CENPF: variants seen among roughly 807,000 people sequenced by gnomAD.
CENPF encodes the protein centromere protein F, also known as AH antigen.
Under a neutral mutation model 307.3 loss-of-function variants are expected in CENPF, and 214 were observed. That is an observed-to-expected ratio of 0.70 (90% CI 0.62 to 0.78). CENPF has a LOEUF of 0.78. Ranked by LOEUF, CENPF falls within the 30% of genes least tolerant of loss-of-function variation. The probability of loss-of-function intolerance (pLI) is 0.00; values close to 1 mark genes in which losing one functional copy is unlikely to be tolerated. For missense variants in CENPF, 3,401 were observed against 3,483.9 expected (o/e 0.98, Z 0.60); for synonymous variants, 1,259 against 1,270.6 (o/e 0.99, Z 0.19).
chr1:214,637,237 G>A (rs1195120784), intron 10 of CENPF, among the ~76,000 whole-genome samples: 9 of 152,190 alleles, frequency 5.9e-5, no homozygotes, highest in African/African-American at 2.2e-4. Context: ...ATCCTATTGT[G>A]TATTAAATGA....
At chr1:214,619,987 A>G (rs1657461437) in intron 5 of CENPF, among the ~76,000 whole-genome samples, 1 of 152,132 alleles carries the variant, frequency 6.6e-6, no homozygotes, top group Non-Finnish European at 1.5e-5. Flanking sequence ...ATTGATTCCT[A>G]GAGATGTTTT....
chr1:214,650,981 A>G (rs746325487), intron 14 of CENPF, among the ~76,000 whole-genome samples: 2 of 152,224 alleles, frequency 1.3e-5, no homozygotes, highest in Non-Finnish European at 2.9e-5. Flanking sequence ...CAGCAGCCCC[A>G]GATACTACTT....
intron 16 of CENPF, 91 bp from the exon 17 acceptor site, chr1:214,655,150 C>T (rs1658595529): frequency 1.3e-5 from 10 of 751,964 alleles, no homozygotes; most frequent in East Asian, 3.1e-5. Flanking sequence ...CTTAAATTTA[C>T]AATATATGAA....
intron 10 of CENPF, among the ~76,000 whole-genome samples, chr1:214,634,891 T>C (rs1163096600): frequency 6.6e-6 from 1 of 152,232 alleles, no homozygotes; most frequent in African/African-American, 2.4e-5. Context: ...ACTGAAATTT[T>C]CCTTGTCTGT....
chr1:214,655,499 T>C, intron 17 of CENPF, 96 bp downstream of exon 17: 11 of 1,069,282 alleles, frequency 1.0e-5, no homozygotes, highest in Non-Finnish European at 1.4e-5. Context: ...TTTAGTGCTG[T>C]GTTCTATTAC....
chr1:214,630,028 T>G (rs1657761622), intron 8 of CENPF, among the ~76,000 whole-genome samples: 1 of 152,202 alleles, frequency 6.6e-6, no homozygotes, highest in Admixed American at 6.5e-5. Context: ...TAAGAGTCTA[T>G]AGATTTTAAA....
At chr1:214,627,163 G>T (rs1429952623) in intron 7 of CENPF, among the ~76,000 whole-genome samples, 3 of 151,942 alleles carry the variant, frequency 2.0e-5, no homozygotes, top group African/African-American at 7.3e-5. Context: ...CCACTTCTGG[G>T]CTCCTTCCAC....
In CENPF at chr1:214,628,569, C is replaced by G. The variant is rs143298087; in HGVS notation, c.1069-477C>G. 1.4e-3 allele frequency among the ~76,000 whole-genome samples: 211 copies of G among 152,286 alleles called. 2 individuals are homozygous for G. Among genetic ancestry groups the G allele is most frequent in the African/African-American group, 4.9e-3 (204 of 41,556 alleles). On this transcript the variant is annotated intron_variant, in intron 7 of 19. Coordinates refer to ENST00000366955, the MANE Select transcript of CENPF (RefSeq NM_016343.4). ...AGCAATTCTCCTGCCTCAGTCTCCC[C>G]AGTAACTGGGATTTACAGGCAAGCG... is the stretch of plus-strand genomic sequence containing the variant.
At chr1:214,638,626 G>A (rs1052124697) in intron 11 of CENPF, among the ~76,000 whole-genome samples, 6 of 152,086 alleles carry the variant, frequency 3.9e-5, no homozygotes, top group Non-Finnish European at 7.3e-5. Flanking sequence ...ACTCTGTCCT[G>A]TGGAATGTGT....
chr1:214,608,593 A>C, intron 1 of CENPF: 3 of 1,609,242 alleles, frequency 1.9e-6, no homozygotes, highest in Non-Finnish European at 2.5e-6. Flanking sequence ...AATGGTGTCC[A>C]GCTCGCGCTG....
rs1558178120 is a variant in CENPF at position 214,631,035 on chromosome 1, CT to C, written c.1323+376del. Among the ~76,000 whole-genome samples the C allele has an allele frequency of 7.9e-5, 12 of 152,190 alleles. 1 individual carries two copies. The South Asian group carries it at 2.5e-3, about 31-fold the overall frequency. Reference sequence around the variant, plus strand: ...AAAGTGGTCTCATCCAGTTTTGTGGCTTTACATATCATCTATGTGATGATGA... The same window carrying C: ...AAAGTGGTCTCATCCAGTTTTGTGGCTTACATATCATCTATGTGATGATGA... On this transcript the variant is annotated intron_variant, in intron 9 of 19. Transcript: ENST00000366955.
chr1:214,623,568 G>C (rs1571702379), intron 7 of CENPF, among the ~76,000 whole-genome samples: 1 of 152,076 alleles, frequency 6.6e-6, no homozygotes, highest in South Asian at 2.1e-4. Context: ...TGTTGTTCTT[G>C]TTGTTGCTTT....
chr1:214,648,898 G>A, intron 14 of CENPF, 71 bp downstream of exon 14: 5 of 1,463,038 alleles, frequency 3.4e-6, no homozygotes, highest in Non-Finnish European at 4.7e-6. Context: ...ATTGGTTCCT[G>A]TAAGACCTTC....
chr1:214,652,257 G>C (rs566775718), intron 15 of CENPF, among the ~76,000 whole-genome samples: 50 of 151,126 alleles, frequency 3.3e-4, no homozygotes, highest in Non-Finnish European at 5.5e-4. Context: ...GGATGGTCTC[G>C]ATCTCCTGAT....
Position 214,645,468 on chromosome 1 carries a change from A to G in CENPF, c.5898A>G (p.Glu1966=). 6.2e-7 allele frequency: 1 copy of G among 1,613,984 alleles called. No homozygotes were observed. The highest frequency in any genetic ancestry group is 8.5e-7 in the Non-Finnish European group (1 of 1,180,002). The change falls in exon 13 of 20, where the codon GAA becomes GAG. Residue 1966 remains glutamate, a synonymous_variant. Transcript: ENST00000366955. The part of the protein sequence containing the change: ...VTSERNQLRG[E]LDTMSKKTTA... ...GTGAGAGAAACCAGCTTCGTGGAGAATTAGATACTATGTCAAAAAAAACCA... is the reference window on the plus strand; with the variant it reads ...GTGAGAGAAACCAGCTTCGTGGAGAGTTAGATACTATGTCAAAAAAAACCA...
chr1:214,633,779 A>G (rs1311389128), intron 10 of CENPF, among the ~76,000 whole-genome samples: 1 of 152,234 alleles, frequency 6.6e-6, no homozygotes, highest in Non-Finnish European at 1.5e-5. Flanking sequence ...TTCATCAGCA[A>G]ACGTTTTCAA....
chr1:214,605,588 G>A, intron 1 of CENPF: 1 of 1,163,878 alleles, frequency 8.6e-7, no homozygotes, highest in East Asian at 2.6e-5. Flanking sequence ...GGCCGCCCGG[G>A]GGTCCACATG....
At chr1:214,644,479 A>T in intron 12 of CENPF, 78 bp from the exon 13 acceptor site, 1 of 1,387,950 alleles carries the variant, frequency 7.2e-7, no homozygotes, top group Non-Finnish European at 9.6e-7. Flanking sequence ...CAGTTTCTAA[A>T]AAGTAATAAC....
chr1:214,644,021 T>C (rs12097854), intron 12 of CENPF, among the ~76,000 whole-genome samples: 11,152 of 152,240 alleles, frequency 0.073, 496 homozygotes, highest in South Asian at 0.14. Context: ...CAGGTGTAGG[T>C]GCAACAGCAG....
Sources: allele counts gnomAD v4.1 joint callset (sites outside exome capture counted in the v4.1 genomes callset), GRCh38; gene constraint gnomAD v4.1.1; transcripts MANE v1.5; gene names NCBI Gene and HGNC (gene_info 2026-07-23, HGNC 2026-07-21).